TRPM3: variants seen among roughly 807,000 people sequenced by gnomAD.
TRPM3 encodes the protein long transient receptor potential channel 3.
In TRPM3, 77 loss-of-function variants were observed where a neutral mutation model predicts 181.2. The ratio of observed to expected loss-of-function variants is 0.42; its 90% CI spans 0.35 to 0.51. The LOEUF (loss-of-function observed/expected upper bound fraction) is 0.51, where lower values mean the gene tolerates loss of function less well. Ranked by LOEUF, TRPM3 falls within the 20% of genes least tolerant of loss-of-function variation. The pLI, the probability that TRPM3 is intolerant of heterozygous loss-of-function variation, is 0.01. For synonymous variants in TRPM3, 745 were observed against 796.4 expected (o/e 0.94, Z 1.09); for missense variants, 1,759 against 2,196.7 (o/e 0.80, Z 3.98).
At chr9:71,184,230 T>A (rs922939549) in intron 1 of TRPM3, among the ~76,000 whole-genome samples, 1 of 152,082 alleles carries the variant, frequency 6.6e-6, no homozygotes, top group Non-Finnish European at 1.5e-5. Context: ...ACATACCATA[T>A]GGAACTGGAT....
intron 1 of TRPM3, among the ~76,000 whole-genome samples, chr9:71,001,030 T>A (rs1167786853): frequency 6.6e-6 from 1 of 152,232 alleles, no homozygotes; most frequent in African/African-American, 2.4e-5. Context: ...TTTGGCCTAC[T>A]AAATTCCTCA....
rs1439311698 is a variant in TRPM3 at position 71,048,151 on chromosome 9, C to A, written c.177+73027G>T. Among the ~76,000 whole-genome samples the A allele has an allele frequency of 3.9e-5, 6 of 152,152 alleles. No homozygotes were observed. The East Asian group carries it at 1.2e-3, about 29-fold the overall frequency. On this transcript the variant is annotated intron_variant, in intron 1 of 25. Transcript: ENST00000677713. ...AATGGCAAAACCACAATTACTTTTG[C>A]ACCAACCAAATATTAACACTTTTAT... is the stretch of plus-strand genomic sequence containing the variant.
At chr9:70,995,875 T>C (rs1261086043) in intron 1 of TRPM3, among the ~76,000 whole-genome samples, 1 of 152,242 alleles carries the variant, frequency 6.6e-6, no homozygotes, top group Non-Finnish European at 1.5e-5. Flanking sequence ...TGGTCCCTAA[T>C]TGCCATTTCT....
intron 8 of TRPM3, among the ~76,000 whole-genome samples, chr9:70,750,120 T>C (rs572089959): frequency 1.2e-3 from 187 of 152,306 alleles, no homozygotes; most frequent in Middle Eastern, 3.4e-3. Context: ...TAGGCTGTAC[T>C]GTAAGATTGT....
chr9:70,651,447 G>A (rs1296625006), intron 9 of TRPM3, among the ~76,000 whole-genome samples: 3 of 152,122 alleles, frequency 2.0e-5, no homozygotes, highest in African/African-American at 7.2e-5. Flanking sequence ...CCTCCTGTAA[G>A]CATGGCTTAT....
chr9:70,966,479 G>A (rs914472884), intron 1 of TRPM3, among the ~76,000 whole-genome samples: 2 of 151,978 alleles, frequency 1.3e-5, no homozygotes, highest in African/African-American at 2.4e-5. Context: ...AAGCAAAGAT[G>A]TGGAATCAAC....
chr9:71,366,200 C>A lies in TRPM3; in HGVS notation c.183+80453G>T, dbSNP rs2092330446. ...TTCATTTCTTTTCTATAGTTAAGGCCCAGGTTGTTAAAATACAAATGTGTT... is the reference window on the plus strand; with the variant it reads ...TTCATTTCTTTTCTATAGTTAAGGCACAGGTTGTTAAAATACAAATGTGTT... On this transcript the variant is annotated intron_variant, in intron 1 of 24. Transcript: ENST00000357533. Among the ~76,000 whole-genome samples the A allele has an allele frequency of 2.0e-5, 3 of 152,012 alleles. No individual in the cohort carries two copies. The South Asian group carries it at 6.2e-4, about 32-fold the overall frequency.
intron 1 of TRPM3, among the ~76,000 whole-genome samples, chr9:70,973,485 C>CT (rs910108356): frequency 3.3e-5 from 5 of 151,916 alleles, no homozygotes; most frequent in African/African-American, 7.3e-5. Context: ...GAGACATTTG[C>CT]TTTTTTTTCT....
intron 25 of TRPM3, among the ~76,000 whole-genome samples, chr9:70,545,806 C>A (rs2044722183): frequency 6.6e-6 from 1 of 152,086 alleles, no homozygotes; most frequent in Non-Finnish European, 1.5e-5. Context: ...CCTCAGCCTC[C>A]CAAAGTGCTG....
intron 1 of TRPM3, among the ~76,000 whole-genome samples, chr9:71,241,999 G>A (rs1193485996): frequency 6.6e-6 from 1 of 152,330 alleles, no homozygotes; most frequent in African/African-American, 2.4e-5. Context: ...GAATGACTGA[G>A]ATATATTATT....
intron 9 of TRPM3, among the ~76,000 whole-genome samples, chr9:70,657,128 C>CTT (rs1213672628): frequency 6.5e-5 from 9 of 139,314 alleles, no homozygotes; most frequent in Non-Finnish European, 1.2e-4. Context: ...ACCCAAAAAA[C>CTT]TTTTATATGA....
intron 6 of TRPM3, among the ~76,000 whole-genome samples, chr9:70,788,123 T>C (rs1482646290): frequency 6.8e-6 from 1 of 147,972 alleles, no homozygotes; most frequent in Non-Finnish European, 1.5e-5. Flanking sequence ...TAACTCGTCA[T>C]CTAGCATTAG....
chr9:70,837,809 C>T (rs2094417741), intron 5 of TRPM3, among the ~76,000 whole-genome samples: 1 of 152,168 alleles, frequency 6.6e-6, no homozygotes, highest in African/African-American at 2.4e-5. Flanking sequence ...GTTCGGTTTA[C>T]AGTCACAGAT....
At chr9:71,395,545 T>C (rs1387267952) in intron 1 of TRPM3, among the ~76,000 whole-genome samples, 1 of 152,236 alleles carries the variant, frequency 6.6e-6, no homozygotes, top group African/African-American at 2.4e-5. Flanking sequence ...TTCATGTAAT[T>C]GACCGCAGCA....
At chr9:71,332,959 C>T (rs968912259) in intron 1 of TRPM3, among the ~76,000 whole-genome samples, 11 of 151,858 alleles carry the variant, frequency 7.2e-5, no homozygotes, top group African/African-American at 2.4e-4. Context: ...AGAATTCCCA[C>T]AGAACTTCCA....
intron 9 of TRPM3, among the ~76,000 whole-genome samples, chr9:70,659,014 C>T (rs1030085839): frequency 6.6e-6 from 1 of 151,996 alleles, no homozygotes; most frequent in African/African-American, 2.4e-5. Context: ...CTCCTATGAA[C>T]AAAATTTGGA....
chr9:71,189,238 C>T (rs1258965747), intron 1 of TRPM3, among the ~76,000 whole-genome samples: 2 of 151,820 alleles, frequency 1.3e-5, no homozygotes, highest in African/African-American at 2.4e-5. Context: ...ACAAGATCAC[C>T]CACTTACTTG....
intron 1 of TRPM3, among the ~76,000 whole-genome samples, chr9:70,930,715 T>C (rs1342128343): frequency 6.6e-6 from 1 of 152,156 alleles, no homozygotes; most frequent in Non-Finnish European, 1.5e-5. Context: ...AATAAAATTA[T>C]GATCCAAATT....
chr9:71,389,029 C>T (rs547138000), intron 1 of TRPM3, among the ~76,000 whole-genome samples: 2 of 151,872 alleles, frequency 1.3e-5, no homozygotes, highest in African/African-American at 2.4e-5. Flanking sequence ...TAACTCCAAA[C>T]GAAATTCAAA....
Sources: gnomAD v4.1 joint callset for allele counts (sites outside exome capture counted in the v4.1 genomes callset) on GRCh38, gnomAD v4.1.1 for gene constraint, MANE v1.5 for transcripts, NCBI Gene and HGNC (gene_info 2026-07-23, HGNC 2026-07-21) for gene names.